Variants in AZGP1 observed in about 807,000 individuals in gnomAD.
The protein encoded by AZGP1 is alpha-2-glycoprotein 1, zinc-binding, also known as zinc-alpha-2-glycoprotein.
In AZGP1, 28 loss-of-function variants were observed where a neutral mutation model predicts 31.5. That is an observed-to-expected ratio of 0.89 (90% confidence interval 0.66 to 1.22). The LOEUF (loss-of-function observed/expected upper bound fraction) is 1.22. Ranked by LOEUF, AZGP1 falls within the 50% of genes most tolerant of loss-of-function variation. AZGP1 has a pLI of 0.00. For missense variants in AZGP1, 361 were observed against 371.8 expected (o/e 0.97, Z 0.24); for synonymous variants, 135 against 145.4 (o/e 0.93, Z 0.51).
chr7:99,971,973 A>G lies in AZGP1; in HGVS notation c.110T>C (p.Leu37Pro). Residue 37 changes from leucine (L) to proline (P), a missense_variant, in exon 2 of 4, where the codon CTG becomes CCG. By Grantham distance (98) the Leu-to-Pro change is moderately conservative. Transcript: ENST00000292401. ...RYSLTYIYTG[L>P]SKHVEDVPAF... Reference sequence around the variant, plus strand: ...GGGGACGTCTTCAACATGCTTGGACAGCCCAGTGTAGATATAGGTCAGAGA... The same window carrying G: ...GGGGACGTCTTCAACATGCTTGGACGGCCCAGTGTAGATATAGGTCAGAGA... 2 of 1,613,882 alleles carry G rather than the reference A, an allele frequency of 1.2e-6. No individual in the cohort carries two copies. The highest frequency in any genetic ancestry group is 1.7e-6 in the Non-Finnish European group (2 of 1,179,888).
intron 2 of AZGP1, among the ~76,000 whole-genome samples, chr7:99,970,048 C>T (rs1401596101): frequency 6.6e-6 from 1 of 151,952 alleles, no homozygotes; most frequent in African/African-American, 2.4e-5. Context: ...CTCTCCCCAG[C>T]CCCCCACCCC....
chr7:99,967,120 G>T lies in AZGP1; in HGVS notation c.780C>A (p.Gly260=). Residue 260 remains glycine (G), a synonymous_variant, in exon 4 of 4, where the codon GGC becomes GGA. Coordinates refer to ENST00000292401, the MANE Select transcript of AZGP1 (RefSeq NM_001185.4). ...LRGDVLHNGN[G]TYQSWVVVAV... ...CCACCACCACCCAGGACTGGTAAGT[G>T]CCATTTCCATTGTGAAGAACATCTC... is the stretch of plus-strand genomic sequence containing the variant. 1 of 1,614,220 alleles carries T rather than the reference G, an allele frequency of 6.2e-7. No homozygotes were observed. The highest frequency in any genetic ancestry group is 8.5e-7 in the Non-Finnish European group (1 of 1,180,044).
At chr7:99,973,978 A>T (rs1230766159) in intron 1 of AZGP1, among the ~76,000 whole-genome samples, 1 of 150,996 alleles carries the variant, frequency 6.6e-6, no homozygotes, top group Non-Finnish European at 1.5e-5. Context: ...ATAGTCAATA[A>T]TAATTTAACT....
intron 2 of AZGP1, among the ~76,000 whole-genome samples, chr7:99,969,225 A>G (rs1475712056): frequency 6.6e-6 from 1 of 151,892 alleles, no homozygotes; most frequent in Non-Finnish European, 1.5e-5. Flanking sequence ...CCTGGCCAAC[A>G]TGGTAAGACC....
chr7:99,975,955 C>T lies in AZGP1; in HGVS notation c.66G>A (p.Glu22=). The T allele has an allele frequency of 2.5e-6, 4 of 1,614,096 alleles. No individual in the cohort carries two copies. Among genetic ancestry groups the T allele is most frequent in the Non-Finnish European group, 3.4e-6 (4 of 1,180,006 alleles). The part of the protein sequence containing the change: ...LLLLGPAVPQ[E]NQDGRYSLTY... The stretch of plus-strand genomic sequence containing the variant: ...GCTTTCCCCACTCACCATCTTGGTT[C>T]TCCTGGGGGACAGCAGGACCCAGAA... The change falls in exon 1 of 4, where the codon GAG becomes GAA. Residue 22 remains glutamate (E), a synonymous_variant. Coordinates refer to ENST00000292401, the MANE Select transcript of AZGP1 (RefSeq NM_001185.4).
chr7:99,971,492 G>A lies in AZGP1; in HGVS notation c.337+254C>T, dbSNP rs147112491. On this transcript the variant is annotated intron_variant, in intron 2 of 3. Transcript: ENST00000292401. ...TGGAGGTGAGAGGTCATAGGTGCCT[G>A]GATAGGAAGTGACTCTGCCATCACT... The A allele has an allele frequency of 2.9e-3, 1,404 of 479,600 alleles. 13 individuals are homozygous for A. The highest frequency in any genetic ancestry group is 0.024 in the African/African-American group (1,223 of 51,598). The allele number at this position is 479,600 out of a possible 1,614,324, so 29.7% of individuals were successfully genotyped here.
At position 99,972,007 on chromosome 7, in the gene AZGP1, C is replaced by G; in HGVS notation, c.77-1G>C. 3.1e-6 allele frequency: 5 copies of G among 1,600,252 alleles called. No individual in the cohort carries two copies. The highest frequency in any genetic ancestry group is 3.4e-6 in the Non-Finnish European group (4 of 1,172,198). On this transcript the variant is annotated splice_acceptor_variant, in intron 1 of 3. Transcript: ENST00000292401. LOFTEE classifies it high-confidence loss of function. ...TAGATATAGGTCAGAGAGTAACGACCTGCAAAAGAAAAGATTCTGATGGTT... is the reference window on the plus strand; with the variant it reads ...TAGATATAGGTCAGAGAGTAACGACGTGCAAAAGAAAAGATTCTGATGGTT...
chr7:99,972,395 C>T (rs957218882), intron 1 of AZGP1, among the ~76,000 whole-genome samples: 7 of 152,176 alleles, frequency 4.6e-5, no homozygotes, highest in African/African-American at 1.4e-4. Flanking sequence ...CTAGAGGTGA[C>T]GACTTTGAAG....
intron 2 of AZGP1, among the ~76,000 whole-genome samples, chr7:99,970,300 A>T (rs894493030): frequency 1.3e-5 from 2 of 152,036 alleles, no homozygotes; most frequent in African/African-American, 4.8e-5. Context: ...CTGTAGTGCA[A>T]TGGTAGGATT....
chr7:99,975,132 G>GTGTA (rs1176813913), intron 1 of AZGP1, among the ~76,000 whole-genome samples: 1 of 151,960 alleles, frequency 6.6e-6, no homozygotes, highest in Admixed American at 6.5e-5. Context: ...TGTGTATACA[G>GTGTA]TGTATGTATG....
chr7:99,970,234 C>CT (rs869171961), intron 2 of AZGP1, among the ~76,000 whole-genome samples: 6 of 115,590 alleles, frequency 5.2e-5, no homozygotes, highest in Admixed American at 3.9e-4. Flanking sequence ...CTATTATTTC[C>CT]TTTTTTTGTT....
intron 2 of AZGP1, chr7:99,968,646 T>C: frequency 1.6e-6 from 1 of 608,110 alleles, no homozygotes; most frequent in Non-Finnish European, 2.8e-6. Flanking sequence ...CAGGTTTGTC[T>C]CAGATGAGAT....
At chr7:99,968,001 T>C in intron 3 of AZGP1, 154 bp downstream of exon 3, 2 of 1,068,826 alleles carry the variant, frequency 1.9e-6, no homozygotes, top group African/African-American at 3.2e-5. Context: ...AATTATATTA[T>C]CCCAGGGAAG....
chr7:99,972,542 G>A (rs1205515200), intron 1 of AZGP1, among the ~76,000 whole-genome samples: 2 of 152,180 alleles, frequency 1.3e-5, no homozygotes, highest in African/African-American at 4.8e-5. Context: ...GCTGGGCTCC[G>A]TGGCTCATGC....
At chr7:99,967,353 A>G in intron 3 of AZGP1, 67 bp from the exon 4 acceptor site, 1 of 1,521,108 alleles carries the variant, frequency 6.6e-7, no homozygotes, top group Non-Finnish European at 8.9e-7. Context: ...GTCTCTTCCT[A>G]CCCCCACCCC....
chr7:99,967,595 G>A (rs2115674515), intron 3 of AZGP1: 1 of 483,802 alleles, frequency 2.1e-6, no homozygotes, highest in South Asian at 2.3e-5. Flanking sequence ...CCAGCTGCTT[G>A]GTTCAGCCCA....
At chr7:99,969,196 G>A (rs2115678883) in intron 2 of AZGP1, among the ~76,000 whole-genome samples, 1 of 151,630 alleles carries the variant, frequency 6.6e-6, no homozygotes, top group East Asian at 1.9e-4. Flanking sequence ...ATCACCTGAG[G>A]TCAGGAGTTT....
At chr7:99,970,235 TTTTTTTG>T (rs59340776) in intron 2 of AZGP1, among the ~76,000 whole-genome samples, 78,402 of 150,828 alleles carry the variant, frequency 0.52, 21,018 homozygotes, top group African/African-American at 0.65. Flanking sequence ...TATTATTTCC[TTTTTTTG>T]TTTTTTGTTT....
rs759702832 is a variant in AZGP1 at position 99,968,207 on chromosome 7, A to G, written c.561T>C (p.Pro187=). 2.5e-6 allele frequency: 4 copies of G among 1,613,822 alleles called. No homozygotes were observed. The Admixed American group carries it at 5.0e-5, about 20-fold the overall frequency. ...RAKAYLEEEC[P]ATLRKYLKYS... is the part of the protein sequence containing the mutation. ...ATTTCAGGTATTTCCGCAGAGTCGC[A>G]GGGCACTCCTCCTCCAGGTAAGCCT... The change falls in exon 3 of 4, where the codon CCT becomes CCC. Residue 187 remains proline (P), a synonymous_variant. Transcript: ENST00000292401.
Sources: allele counts gnomAD v4.1 joint callset (sites outside exome capture counted in the v4.1 genomes callset), GRCh38; gene constraint gnomAD v4.1.1; transcripts MANE v1.5; gene names NCBI Gene and HGNC (gene_info 2026-07-23, HGNC 2026-07-21).